Variants in KPNA7 observed in about 807,000 individuals in gnomAD.
KPNA7 encodes importin subunit alpha-8.
In KPNA7, 54 loss-of-function variants were observed where a neutral mutation model predicts 53.7. That is an observed-to-expected ratio of 1.01 (90% CI 0.81 to 1.26). KPNA7 has a LOEUF of 1.26. Among genes scored for constraint, KPNA7 ranks in the 50% most tolerant of loss-of-function variants. The pLI is 0.00. For missense variants in KPNA7, 640 were observed against 644.5 expected (o/e 0.99, Z 0.07); for synonymous variants, 276 against 259.3 (o/e 1.06, Z -0.62).
At chr7:99,181,552 T>C (rs1291631738) in intron 9 of KPNA7, among the ~76,000 whole-genome samples, 37 of 152,134 alleles carry the variant, frequency 2.4e-4, no homozygotes, top group Admixed American at 2.4e-3. Context: ...ATAATCCAAC[T>C]TGGGTTTTGT....
At chr7:99,165,018 G>A in the KPNA7 span, among the ~76,000 whole-genome samples, 1 of 152,188 alleles carries the variant, frequency 6.6e-6, no homozygotes, top group Admixed American at 6.5e-5. Context: ...GCATGTGCCT[G>A]TAATCCCAGC....
In KPNA7 at chr7:99,195,124, A is replaced by G; in HGVS notation, c.499T>C (p.Ser167Pro). 1 of 1,551,604 alleles carries G rather than the reference A, an allele frequency of 6.4e-7. No homozygotes were observed. Among genetic ancestry groups the G allele is most frequent in the African/African-American group, 1.4e-5 (1 of 73,118 alleles). Reference sequence around the variant, plus strand: ...TGTTCACACACAGCCACGTTGGAGGAAGACAGGAGCTCAATCAAGGGCTGG... The same window carrying G: ...TGTTCACACACAGCCACGTTGGAGGGAGACAGGAGCTCAATCAAGGGCTGG... ...AIQPLIELLS[S>P]SNVAVCEQAV... The change falls in exon 5 of 11, where the codon TCC becomes CCC. Residue 167 changes from serine to proline, a missense_variant. Ser to Pro is a moderately conservative substitution (Grantham distance 74, BLOSUM62 -1). Transcript: ENST00000327442.
intron 3 of KPNA7, among the ~76,000 whole-genome samples, chr7:99,200,595 T>A (rs35615419): frequency 0.079 from 12,070 of 152,162 alleles, 519 homozygotes; most frequent in South Asian, 0.15. Context: ...GAAGACACCC[T>A]TCCACACAAA....
the KPNA7 span, among the ~76,000 whole-genome samples, chr7:99,153,969 GAAAA>G: frequency 2.6e-5 from 4 of 151,030 alleles, no homozygotes; most frequent in Non-Finnish European, 1.5e-5. Context: ...CTAAAAAAAA[GAAAA>G]AAAAGTTTCC....
intron 1 of KPNA7, among the ~76,000 whole-genome samples, chr7:99,218,803 A>G (rs959919061): frequency 2.6e-5 from 4 of 152,218 alleles, no homozygotes; most frequent in African/African-American, 9.6e-5. Flanking sequence ...CAGCCTCCTC[A>G]GGGCCCCCAA....
intron 9 of KPNA7, among the ~76,000 whole-genome samples, chr7:99,179,953 C>A (rs1357911226): frequency 1.3e-5 from 2 of 152,142 alleles, no homozygotes; most frequent in African/African-American, 2.4e-5. Context: ...ATCCCTGACC[C>A]CCGGTGCTCA....
chr7:99,186,841 T>C (rs953013680), intron 7 of KPNA7, among the ~76,000 whole-genome samples: 2 of 152,158 alleles, frequency 1.3e-5, no homozygotes, highest in African/African-American at 2.4e-5. Flanking sequence ...AGAAGTCCTA[T>C]GCTAATCTCA....
intron 10 of KPNA7, among the ~76,000 whole-genome samples, chr7:99,176,492 A>G (rs1034499401): frequency 5.3e-5 from 8 of 152,106 alleles, no homozygotes; most frequent in Admixed American, 3.3e-4. Flanking sequence ...GTGAAATGGT[A>G]TATCTACTGT....
At chr7:99,182,216 T>C (rs1472535758) in intron 8 of KPNA7, among the ~76,000 whole-genome samples, 151 bp from the exon 9 acceptor site, 3 of 151,844 alleles carry the variant, frequency 2.0e-5, no homozygotes, top group Admixed American at 6.6e-5. Context: ...TCTAGCTCTT[T>C]CTTTCCCCCC....
At chr7:99,174,626 G>A (rs1198440561) in intron 10 of KPNA7, among the ~76,000 whole-genome samples, 3 of 152,036 alleles carry the variant, frequency 2.0e-5, no homozygotes, top group Middle Eastern at 3.2e-3. Context: ...AAGTGGAATC[G>A]CATTGTATTT....
At chr7:99,191,972 T>TG (rs1191020880) in intron 6 of KPNA7, among the ~76,000 whole-genome samples, 1 of 152,196 alleles carries the variant, frequency 6.6e-6, no homozygotes, top group Admixed American at 6.5e-5. Flanking sequence ...CATAGTCCTC[T>TG]GGCTGCTCTT....
intron 3 of KPNA7, among the ~76,000 whole-genome samples, chr7:99,198,545 A>G (rs1241934385): frequency 1.3e-5 from 2 of 152,170 alleles, no homozygotes; most frequent in East Asian, 3.8e-4. Context: ...GATCATCTCA[A>G]TGCAGAAAAA....
At chr7:99,216,704 G>A (rs769760670) in intron 1 of KPNA7, among the ~76,000 whole-genome samples, 2 of 152,312 alleles carry the variant, frequency 1.3e-5, no homozygotes, top group South Asian at 2.1e-4. Flanking sequence ...TGGGATTACG[G>A]GCATGCGCCA....
At chr7:99,211,473 C>G (rs1791070792), upstream of KPNA7, among the ~76,000 whole-genome samples, 4 of 152,156 alleles carry the variant, frequency 2.6e-5, no homozygotes, top group South Asian at 8.3e-4. Context: ...GAGACAAGCT[C>G]TATGCAAGAT....
chr7:99,206,294 G>A (rs1278781866), intron 2 of KPNA7, among the ~76,000 whole-genome samples: 3 of 152,074 alleles, frequency 2.0e-5, no homozygotes, highest in African/African-American at 7.2e-5. Context: ...CCAAGTAGCT[G>A]GGATTACAGG....
At chr7:99,210,991 G>C (rs1040416787), upstream of KPNA7, among the ~76,000 whole-genome samples, 2 of 151,840 alleles carry the variant, frequency 1.3e-5, no homozygotes, top group Non-Finnish European at 2.9e-5. Flanking sequence ...ATAGAAAAGA[G>C]AAAATTGGAT....
At chr7:99,215,691 TAAG>T (rs1267048532) in intron 1 of KPNA7, among the ~76,000 whole-genome samples, 2 of 151,988 alleles carry the variant, frequency 1.3e-5, no homozygotes, top group South Asian at 2.1e-4. Context: ...GTTCTTTACT[TAAG>T]AAAGTGTTGA....
At chr7:99,206,761 T>C (rs530214028) in intron 2 of KPNA7, among the ~76,000 whole-genome samples, 3 of 152,216 alleles carry the variant, frequency 2.0e-5, no homozygotes, top group Admixed American at 1.3e-4. Context: ...TGAGCTACCA[T>C]GCCCAGCTAA....
chr7:99,185,769 T>C (rs1789551508), intron 7 of KPNA7, among the ~76,000 whole-genome samples: 1 of 151,844 alleles, frequency 6.6e-6, no homozygotes, highest in African/African-American at 2.4e-5. Flanking sequence ...CATCATCAAA[T>C]GCTAAATTGA....
Sources: allele counts gnomAD v4.1 joint callset (sites outside exome capture counted in the v4.1 genomes callset), GRCh38; gene constraint gnomAD v4.1.1; transcripts MANE v1.5; gene names NCBI Gene and HGNC (gene_info 2026-07-23, HGNC 2026-07-21).